Variants in CADPS2 observed in about 807,000 individuals in gnomAD.
The protein encoded by CADPS2 is calcium dependent secretion activator 2, also known as calcium-dependent secretion activator 2.
Under a neutral mutation model 172.5 loss-of-function variants are expected in CADPS2, and 93 were observed. The ratio of observed to expected loss-of-function variants is 0.54; its 90% CI spans 0.46 to 0.64. The LOEUF (loss-of-function observed/expected upper bound fraction) is 0.64, where lower values mean the gene tolerates loss of function less well. Among genes scored for constraint, CADPS2 ranks in the 30% least tolerant of loss-of-function variants. The pLI is 0.00. For synonymous variants in CADPS2, 546 were observed against 555.2 expected (o/e 0.98, Z 0.23); for missense variants, 1,420 against 1,565.9 (o/e 0.91, Z 1.57).
intron 1 of CADPS2, among the ~76,000 whole-genome samples, chr7:122,838,932 A>G (rs1424428363): frequency 6.6e-6 from 1 of 152,228 alleles, no homozygotes; most frequent in Non-Finnish European, 1.5e-5. Context: ...AAACTACTTT[A>G]AAGTTCATAT....
chr7:122,514,668 C>G (rs890727915), intron 8 of CADPS2, among the ~76,000 whole-genome samples: 1 of 151,868 alleles, frequency 6.6e-6, no homozygotes, highest in Non-Finnish European at 1.5e-5. Flanking sequence ...AGGAGGTGCA[C>G]ATAAAGGTGT....
chr7:122,746,089 T>C (rs1020367278), intron 1 of CADPS2, among the ~76,000 whole-genome samples: 14 of 152,152 alleles, frequency 9.2e-5, no homozygotes, highest in Non-Finnish European at 1.8e-4. Context: ...CATTAAATGA[T>C]AGAATAAAAA....
intron 12 of CADPS2, among the ~76,000 whole-genome samples, chr7:122,475,316 C>A (rs1357181934): frequency 6.6e-6 from 1 of 152,150 alleles, no homozygotes; most frequent in Non-Finnish European, 1.5e-5. Context: ...ATTACATTAG[C>A]TCTGTTAGAA....
At chr7:122,430,821 A>T (rs1356067610) in intron 17 of CADPS2, among the ~76,000 whole-genome samples, 1 of 152,254 alleles carries the variant, frequency 6.6e-6, no homozygotes, top group African/African-American at 2.4e-5. Flanking sequence ...ACCCATTATG[A>T]AATTTAAAAA....
chr7:122,434,450 A>T (rs1261639665), intron 17 of CADPS2, among the ~76,000 whole-genome samples: 3 of 152,190 alleles, frequency 2.0e-5, no homozygotes, highest in Admixed American at 2.0e-4. Flanking sequence ...TGAGAAAACT[A>T]GGATTAGGAA....
chr7:122,421,135 T>C (rs919024696), intron 17 of CADPS2: 1 of 152,226 alleles, frequency 6.6e-6, no homozygotes, highest in African/African-American at 2.4e-5. Context: ...GATACCTTCC[T>C]TTTTATCCGT....
intron 1 of CADPS2, among the ~76,000 whole-genome samples, chr7:122,864,196 G>A (rs1334147694): frequency 6.6e-6 from 1 of 152,156 alleles, no homozygotes; most frequent in Non-Finnish European, 1.5e-5. Flanking sequence ...TTATGTCTGA[G>A]TCAGTACCTC....
At chr7:122,861,620 GC>G (rs1816963247) in intron 1 of CADPS2, among the ~76,000 whole-genome samples, 1 of 151,956 alleles carries the variant, frequency 6.6e-6, no homozygotes, top group Non-Finnish European at 1.5e-5. Flanking sequence ...GTCTATTTTT[GC>G]CATAGTCAAC....
chr7:122,466,262 C>T (rs181871395), intron 14 of CADPS2, among the ~76,000 whole-genome samples: 1 of 152,152 alleles, frequency 6.6e-6, no homozygotes, highest in Non-Finnish European at 1.5e-5. Context: ...AGGAGTTGCA[C>T]AGTTTGAATG....
chr7:122,655,270 T>A (rs1386514564), intron 3 of CADPS2, among the ~76,000 whole-genome samples: 1 of 152,208 alleles, frequency 6.6e-6, no homozygotes, highest in East Asian at 1.9e-4. Flanking sequence ...TTGAAAAATG[T>A]TCTTCTGTGG....
At chr7:122,519,682 A>G (rs2130989626) in intron 8 of CADPS2, among the ~76,000 whole-genome samples, 1 of 152,184 alleles carries the variant, frequency 6.6e-6, no homozygotes, top group African/African-American at 2.4e-5. Context: ...ATGACTTAAA[A>G]AAAAAATCCA....
intron 1 of CADPS2, among the ~76,000 whole-genome samples, chr7:122,835,929 C>T (rs551672143): frequency 6.7e-4 from 102 of 152,142 alleles, no homozygotes; most frequent in South Asian, 1.5e-3. Context: ...ATACAGAGAA[C>T]GCCACAAAGA....
At chr7:122,608,691 C>T (rs538145194) in intron 6 of CADPS2, among the ~76,000 whole-genome samples, 11 of 152,016 alleles carry the variant, frequency 7.2e-5, no homozygotes, top group Non-Finnish European at 1.3e-4. Flanking sequence ...AGTAGAGACC[C>T]ATTAATCTTC....
rs2038343415 is a variant in CADPS2, at chr7:122,350,241, T to G, written c.3505-4560A>C. Among the ~76,000 whole-genome samples, 5 of 152,190 alleles carry G rather than the reference T, an allele frequency of 3.3e-5. No homozygotes were observed. In the South Asian group the frequency reaches 1.0e-3, roughly 32 times the overall value. On this transcript the variant is annotated intron_variant, in intron 27 of 29. Coordinates refer to ENST00000449022, the MANE Select transcript of CADPS2 (RefSeq NM_017954.11). ...ACAATAAATAACATGTCTTCGAAAT[T>G]TGAAATTGTAGTAGGAGCAATTTAT...
rs376848919 is a variant in CADPS2 at position 122,629,277 on chromosome 7, G to C, written c.838C>G (p.Arg280Gly). ...GCCATTTTATCTGCCAATTGCAGCC[G>C]GCCATCAAGTTCCCTTCTGATCTGG... Reference protein sequence around the residue: ...AAQIRRELDGRLQLADKMAKE... With the variant: ...AAQIRRELDGGLQLADKMAKE... Residue 280 changes from arginine to glycine, a missense_variant, in exon 4 of 30, where the codon CGG becomes GGG. Arg to Gly is a moderately radical substitution (Grantham distance 125). Transcript: ENST00000449022. 6.2e-7 allele frequency: 1 copy of C among 1,609,450 alleles called. No individual in the cohort carries two copies. The highest frequency in any genetic ancestry group is 1.1e-5 in the South Asian group (1 of 90,278).
intron 14 of CADPS2, among the ~76,000 whole-genome samples, chr7:122,465,936 A>G (rs1315253407): frequency 6.6e-6 from 1 of 152,228 alleles, no homozygotes; most frequent in Non-Finnish European, 1.5e-5. Context: ...GTAGTGGTAA[A>G]TAACACCTAT....
rs544988116 is a variant in CADPS2 at position 122,390,853 on chromosome 7, C to T, written c.3009-2115G>A. On this transcript the variant is annotated intron_variant, in intron 22 of 29. Transcript: ENST00000449022. Reference sequence around the variant, plus strand: ...GGTATTATTAACAGATTAAAGAATTCGAATGTGAGTAGTAGACTCTGAGAT... The same window carrying T: ...GGTATTATTAACAGATTAAAGAATTTGAATGTGAGTAGTAGACTCTGAGAT... 4.0e-5 allele frequency among the ~76,000 whole-genome samples: 6 copies of T among 151,736 alleles called. No individual in the cohort carries two copies. In the South Asian group the frequency reaches 6.2e-4, roughly 16 times the overall value.
chr7:122,654,870 A>G (rs1438084944), intron 3 of CADPS2, among the ~76,000 whole-genome samples: 1 of 152,246 alleles, frequency 6.6e-6, no homozygotes, highest in Admixed American at 6.5e-5. Context: ...ACCATTCTAG[A>G]TGCCATTAAC....
intron 2 of CADPS2, chr7:122,698,982 T>A: frequency 8.5e-7 from 1 of 1,175,512 alleles, no homozygotes; most frequent in Non-Finnish European, 1.2e-6. Context: ...ACAATTAATT[T>A]AAAATAACGA....
Sources: allele counts gnomAD v4.1 joint callset (sites outside exome capture counted in the v4.1 genomes callset), GRCh38; gene constraint gnomAD v4.1.1; transcripts MANE v1.5; gene names NCBI Gene and HGNC (gene_info 2026-07-23, HGNC 2026-07-21).